Variants in GLI2 observed in about 807,000 individuals in gnomAD.
GLI2 encodes the protein GLI family zinc finger 2.
A neutral mutation model predicts 78.9 loss-of-function variants in GLI2; 22 were observed. The observed-to-expected ratio is 0.28, with a 90% CI of 0.20 to 0.40. GLI2 has a LOEUF of 0.40. Among genes scored for constraint, GLI2 ranks in the 10% least tolerant of loss-of-function variants. The pLI is 1.00. For synonymous variants in GLI2, 974 were observed against 963.7 expected, an observed-to-expected ratio of 1.01 and a Z score of -0.20; for missense variants, 2,097 against 2,213.2, an observed-to-expected ratio of 0.95 and a Z score of 1.05.
chr2:120,929,679 C>G (rs1679857917), intron 3 of GLI2, among the ~76,000 whole-genome samples: 2 of 152,248 alleles, frequency 1.3e-5, no homozygotes, highest in African/African-American at 4.8e-5. Flanking sequence ...CAGTTGTCCT[C>G]TGTGTCCCGT....
chr2:120,848,158 G>A (rs1335954677), intron 2 of GLI2, among the ~76,000 whole-genome samples: 1 of 152,226 alleles, frequency 6.6e-6, no homozygotes, highest in Non-Finnish European at 1.5e-5. Context: ...CACTTTGAAT[G>A]CCTCTGGCTT....
chr2:120,921,901 T>G (rs1679397460), intron 2 of GLI2, among the ~76,000 whole-genome samples: 1 of 152,218 alleles, frequency 6.6e-6, no homozygotes, highest in South Asian at 2.1e-4. Flanking sequence ...CACTGAGTTC[T>G]CCTGACACCT....
chr2:120,926,754 AC>A (rs1002697307), intron 2 of GLI2, among the ~76,000 whole-genome samples: 2 of 152,208 alleles, frequency 1.3e-5, no homozygotes, highest in Admixed American at 6.5e-5. Flanking sequence ...TCCTGGGGGC[AC>A]CCGACAGCGT....
chr2:120,911,230 C>T (rs1227310934), intron 2 of GLI2, among the ~76,000 whole-genome samples: 1 of 152,240 alleles, frequency 6.6e-6, no homozygotes, highest in Admixed American at 6.5e-5. Flanking sequence ...ACAGATTAGC[C>T]ATTTGACTGA....
intron 2 of GLI2, among the ~76,000 whole-genome samples, chr2:120,900,237 T>A (rs1452430223): frequency 6.6e-6 from 1 of 152,184 alleles, no homozygotes; most frequent in East Asian, 1.9e-4. Context: ...CTCTTTCTTG[T>A]TCCTTCTTTA....
chr2:120,750,578 C>T (rs1431829935), intron 1 of GLI2, among the ~76,000 whole-genome samples: 1 of 152,238 alleles, frequency 6.6e-6, no homozygotes, highest in Non-Finnish European at 1.5e-5. Context: ...CACAGTACAT[C>T]TTGGTTGTTA....
rs183982605 is a variant in GLI2 at position 120,800,035 on chromosome 2, C to T, written c.148+2567C>T. 3.3e-5 allele frequency among the ~76,000 whole-genome samples: 5 copies of T among 152,228 alleles called. No homozygotes were observed. Among genetic ancestry groups the T allele is most frequent in the Non-Finnish European group, 7.4e-5 (5 of 68,012 alleles). On this transcript the variant is annotated intron_variant, in intron 2 of 13. Transcript: ENST00000361492. This position sits in a 1 kb window ranked among gnomAD's most constrained non-coding sequence, Gnocchi z 4.1. ...TGGAATGGTGTAGGAGAAAGGGTGG[C>T]ATTGGTGAAGGAGGAAGTCTTCATG...
intron 2 of GLI2, among the ~76,000 whole-genome samples, chr2:120,868,023 C>A (rs1203902969): frequency 6.6e-6 from 1 of 152,180 alleles, no homozygotes; most frequent in Non-Finnish European, 1.5e-5. Context: ...TTTCCTGCCC[C>A]CCCAGCCTCC....
At chr2:120,898,448 A>G (rs1678087560) in intron 2 of GLI2, among the ~76,000 whole-genome samples, 1 of 152,182 alleles carries the variant, frequency 6.6e-6, no homozygotes, top group South Asian at 2.1e-4. Context: ...GCATGCCTGG[A>G]TTCGCACTGA....
Position 120,989,017 on chromosome 2 carries a change from G to A in GLI2, c.3052G>A (p.Val1018Met). 6.2e-7 allele frequency: 1 copy of A among 1,602,714 alleles called. No individual in the cohort carries two copies. The highest frequency in any genetic ancestry group is 8.5e-7 in the Non-Finnish European group (1 of 1,177,926). The change falls in exon 14 of 14, where the codon GTG (valine) becomes ATG (methionine). Residue 1018 changes from valine to methionine, a missense_variant. Physicochemically the swap from Val to Met is conservative, Grantham distance 21. Coordinates refer to ENST00000361492, the MANE Select transcript of GLI2 (RefSeq NM_001374353.1). ...SPRPPSISENVAMEAVAAGVD... is the reference protein window; with the variant it reads ...SPRPPSISENMAMEAVAAGVD... The stretch of plus-strand genomic sequence containing the variant: ...CCGGCCGCCTAGCATCAGCGAGAAC[G>A]TGGCGATGGAGGCCGTGGCGGCAGG...
chr2:120,802,398 G>A (rs1268755152), intron 2 of GLI2, among the ~76,000 whole-genome samples: 1 of 152,204 alleles, frequency 6.6e-6, no homozygotes, highest in Non-Finnish European at 1.5e-5. Context: ...CTGGGAGGGC[G>A]AGTTCTTTCC....
At chr2:120,968,063 C>A (rs1048416446) in intron 5 of GLI2, among the ~76,000 whole-genome samples, 3 of 152,200 alleles carry the variant, frequency 2.0e-5, no homozygotes, top group Admixed American at 2.0e-4. Flanking sequence ...CCCTCTCTTC[C>A]CCATGGAATT....
In GLI2 at chr2:120,984,816, T is replaced by C. The variant is rs968442743; in HGVS notation, c.1905+73T>C. 5.3e-6 allele frequency: 8 copies of C among 1,513,038 alleles called. No individual in the cohort carries two copies. In the Admixed American group the frequency reaches 8.5e-5, roughly 16 times the overall value. The allele number at this position is 1,513,038 out of a possible 1,614,324, so 93.7% of individuals were successfully genotyped here. A position where few individuals can be genotyped will look rare whatever the true frequency, so the allele number is the denominator to read the frequency against. On this transcript the variant is annotated intron_variant, in intron 12 of 13. Transcript: ENST00000361492. ...TGCCCAGGGCCACCCCTTGCCACGG[T>C]TGCGGGCTCTGCCCTAAGGCCCCCC...
Position 120,736,029 on chromosome 2 carries a change from A to G in GLI2, c.-287A>G, listed in dbSNP as rs993667433. Among the ~76,000 whole-genome samples the G allele has an allele frequency of 5.9e-5, 9 of 151,534 alleles. No homozygotes were observed. The highest frequency in any genetic ancestry group is 1.2e-4 in the Non-Finnish European group (8 of 67,886). Reference sequence around the variant, plus strand: ...GGCCAGGAGCCGCAGGAGGAGCCGGAGGAAAGAGCTTGGGCCGCGCGGCGC... The same window carrying G: ...GGCCAGGAGCCGCAGGAGGAGCCGGGGGAAAGAGCTTGGGCCGCGCGGCGC... On this transcript the variant is annotated 5_prime_UTR_variant, in exon 1 of 14. Transcript: ENST00000361492.
intron 2 of GLI2, among the ~76,000 whole-genome samples, chr2:120,867,598 G>C (rs1221727971): frequency 6.6e-6 from 1 of 152,346 alleles, no homozygotes. Context: ...CCGCACGCTG[G>C]GTAAGTTGAA....
chr2:120,904,327 G>T (rs1678410259), intron 2 of GLI2, among the ~76,000 whole-genome samples: 1 of 152,164 alleles, frequency 6.6e-6, no homozygotes, highest in African/African-American at 2.4e-5. Context: ...ATGAACCTGT[G>T]CCTGCTGTGG....
At chr2:120,848,313 G>C (rs567325815) in intron 2 of GLI2, among the ~76,000 whole-genome samples, 24 of 152,306 alleles carry the variant, frequency 1.6e-4, no homozygotes, top group African/African-American at 5.3e-4. Context: ...CCTCCATTAA[G>C]AGCTCCTTGG....
At chr2:120,795,355 C>T (rs1435496897) in intron 1 of GLI2, among the ~76,000 whole-genome samples, 2 of 151,918 alleles carry the variant, frequency 1.3e-5, no homozygotes, top group African/African-American at 4.8e-5. Flanking sequence ...AACCCTGTCT[C>T]TACTAAAAAA....
intron 1 of GLI2, among the ~76,000 whole-genome samples, chr2:120,783,405 G>A (rs1683903380): frequency 6.6e-6 from 1 of 152,134 alleles, no homozygotes; most frequent in Admixed American, 6.5e-5. Context: ...GTGGGGGCTG[G>A]CAGGGAGACC....
Sources: allele counts gnomAD v4.1 joint callset (sites outside exome capture counted in the v4.1 genomes callset), GRCh38; gene constraint gnomAD v4.1.1; non-coding constraint Gnocchi (gnomAD v3.1); transcripts MANE v1.5; gene names NCBI Gene and HGNC (gene_info 2026-07-23, HGNC 2026-07-21).